Variants in KIAA1671 observed in about 807,000 individuals in gnomAD.
The protein encoded by KIAA1671 is KIAA1671, also known as uncharacterized protein KIAA1671.
KIAA1671 carries 52 observed loss-of-function variants against 131.2 expected under a neutral mutation model. The observed-to-expected ratio is 0.40, with a 90% CI of 0.32 to 0.50. KIAA1671 has a LOEUF of 0.50. KIAA1671 is among the 20% of genes least tolerant of loss of function. The pLI is 0.73. For synonymous variants in KIAA1671, 1,003 were observed against 961.6 expected (o/e 1.04, Z -0.80); for missense variants, 2,360 against 2,364.2 (o/e 1.00, Z 0.04).
intron 1 of KIAA1671, among the ~76,000 whole-genome samples, chr22:24,985,736 G>GTGTGTGTGTGTA (rs951267618): frequency 1.3e-4 from 20 of 150,816 alleles, no homozygotes; most frequent in Admixed American, 1.2e-3. Context: ...GAGTGTGTGA[G>GTGTGTGTGTGTA]TGTGTGTGTG....
At position 25,179,345 on chromosome 22, in the gene KIAA1671, G is replaced by A; in HGVS notation, c.5074+1823G>A. ...TCTCCTCTCGCTGCTCCTTGTTCCT[G>A]CGCACCTCGGCCGCGTGCAGCTCCT... On this transcript the variant is annotated intron_variant, in intron 9 of 12. Transcript: ENST00000358431. The A allele has an allele frequency of 4.4e-6, 7 of 1,594,052 alleles. No individual in the cohort carries two copies. In the South Asian group the frequency reaches 5.7e-5, roughly 13 times the overall value.
chr22:24,954,127 GA>G (rs1344045915), intron 1 of KIAA1671, among the ~76,000 whole-genome samples: 1 of 152,090 alleles, frequency 6.6e-6, no homozygotes, highest in Non-Finnish European at 1.5e-5. Flanking sequence ...GCTATCTTTT[GA>G]AACCGCAGGA....
At chr22:25,008,678 G>C (rs918148563) in intron 1 of KIAA1671, among the ~76,000 whole-genome samples, 8 of 152,198 alleles carry the variant, frequency 5.3e-5, no homozygotes, top group African/African-American at 1.9e-4. Flanking sequence ...GGGTTGAATG[G>C]GGAGATTCAT....
intron 6 of KIAA1671, among the ~76,000 whole-genome samples, chr22:25,095,008 T>C (rs913893950): frequency 1.3e-5 from 2 of 152,208 alleles, no homozygotes; most frequent in African/African-American, 2.4e-5. Flanking sequence ...GCGCTGAGTC[T>C]GTCTCAGGTG....
chr22:25,093,836 C>CTCTCTT (rs1568951598), intron 6 of KIAA1671, among the ~76,000 whole-genome samples: 1 of 64,622 alleles, frequency 1.5e-5, no homozygotes, highest in African/African-American at 7.1e-5. Context: ...CTCTCTCTGT[C>CTCTCTT]TGTCTCTCTC....
chr22:25,029,605 C>T, intron 3 of KIAA1671, 65 bp downstream of exon 3: 1 of 1,230,208 alleles, frequency 8.1e-7, no homozygotes, highest in African/African-American at 1.6e-5. Context: ...GAAGACGGAA[C>T]CAGGCTCCAT....
intron 6 of KIAA1671, chr22:25,064,436 G>C (rs889900818): frequency 6.6e-6 from 1 of 152,228 alleles, no homozygotes; most frequent in Admixed American, 6.5e-5. Context: ...GCCTCCCAGC[G>C]ACCCTGCGGG....
rs1924622643 is a variant in KIAA1671, at chr22:25,004,171, A to G, written c.-207-21462A>G. On this transcript the variant is annotated intron_variant, in intron 1 of 12. Coordinates refer to ENST00000358431, the MANE Select transcript of KIAA1671 (RefSeq NM_001145206.2). Reference sequence around the variant, plus strand: ...TACTCTGTTGTTCAAGGTGTTGTGCAGTGGTTTTATCGTAGCTCACTGCAG... The same window carrying G: ...TACTCTGTTGTTCAAGGTGTTGTGCGGTGGTTTTATCGTAGCTCACTGCAG... Among the ~76,000 whole-genome samples the G allele has an allele frequency of 2.0e-5, 3 of 150,340 alleles. No homozygotes were observed. The South Asian group carries it at 6.3e-4, about 32-fold the overall frequency.
chr22:25,191,010 A>T (rs1159807324), intron 12 of KIAA1671, among the ~76,000 whole-genome samples: 1 of 152,118 alleles, frequency 6.6e-6, no homozygotes, highest in Non-Finnish European at 1.5e-5. Context: ...AGTGGGTGAA[A>T]GGTACCAGGC....
intron 1 of KIAA1671, among the ~76,000 whole-genome samples, chr22:24,965,296 T>A (rs1922239489): frequency 1.3e-5 from 2 of 150,204 alleles, no homozygotes; most frequent in South Asian, 4.2e-4. Context: ...ACACTTGTAA[T>A]ACCAGCTACT....
chr22:25,045,943 A>G (rs1927203347), intron 5 of KIAA1671, among the ~76,000 whole-genome samples: 1 of 151,880 alleles, frequency 6.6e-6, no homozygotes, highest in Non-Finnish European at 1.5e-5. Context: ...GACTGAGCCC[A>G]ATCTATTTTA....
rs1926155350 is a variant in KIAA1671 at position 25,029,505 on chromosome 22, C to G, written c.1506C>G (p.Phe502Leu). The change falls in exon 3 of 13, where the codon TTC becomes TTG. Residue 502 changes from phenylalanine (F) to leucine (L), a missense_variant. Coordinates refer to ENST00000358431, the MANE Select transcript of KIAA1671 (RefSeq NM_001145206.2). ...EAKPEVRRRT[F>L]QARPLSADLT... ...AGCCCGAGGTCAGGAGGAGGACGTTCCAGGCTCGGCCGCTGTCGGCGGATT... is the reference window on the plus strand; with the variant it reads ...AGCCCGAGGTCAGGAGGAGGACGTTGCAGGCTCGGCCGCTGTCGGCGGATT... 4.5e-6 allele frequency: 7 copies of G among 1,548,552 alleles called. No homozygotes were observed. The highest frequency in any genetic ancestry group is 1.4e-5 in the African/African-American group (1 of 72,934).
rs961246333 is a variant in KIAA1671 at position 25,040,622 on chromosome 22, G to A, written c.3492G>A (p.Pro1164=). 19 of 1,551,662 alleles carry A rather than the reference G, an allele frequency of 1.2e-5. No homozygotes were observed. The highest frequency in any genetic ancestry group is 3.9e-5 in the Admixed American group (2 of 50,978). The change falls in exon 5 of 13, where the codon CCG becomes CCA. Residue 1164 remains proline, a synonymous_variant. Transcript: ENST00000358431. ...SPSGGAPQTT[P]TLRSRPKDLP... ...GCGGCGGAGCTCCCCAAACCACCCC[G>A]ACTCTGAGGAGTCGTCCAAAAGATC... is the stretch of plus-strand genomic sequence containing the variant.
intron 4 of KIAA1671, among the ~76,000 whole-genome samples, chr22:25,038,523 C>T (rs1256150950): frequency 6.6e-6 from 1 of 152,210 alleles, no homozygotes; most frequent in Admixed American, 6.5e-5. Context: ...AGTATTTTAA[C>T]ATCAGGATAG....
At chr22:25,065,084 A>G (rs972932738) in intron 6 of KIAA1671, 1 of 152,354 alleles carries the variant, frequency 6.6e-6, no homozygotes, top group Non-Finnish European at 1.5e-5. Context: ...CTGCCTGAGC[A>G]TAGGCAGGGA....
chr22:25,181,385 T>G (rs1934269984), intron 9 of KIAA1671, among the ~76,000 whole-genome samples: 1 of 145,958 alleles, frequency 6.9e-6, no homozygotes, highest in African/African-American at 2.5e-5. Context: ...CTTTCCTGCC[T>G]CTGCCAAAGA....
At chr22:25,116,764 A>G (rs1931686823) in intron 6 of KIAA1671, among the ~76,000 whole-genome samples, 1 of 152,174 alleles carries the variant, frequency 6.6e-6, no homozygotes, top group African/African-American at 2.4e-5. Flanking sequence ...ACTCTGGTGC[A>G]GGAGAAATGG....
intron 6 of KIAA1671, among the ~76,000 whole-genome samples, chr22:25,138,994 CT>C (rs1932764854): frequency 6.6e-6 from 1 of 152,170 alleles, no homozygotes; most frequent in Non-Finnish European, 1.5e-5. Context: ...GAAAAAACAA[CT>C]TCAGTGCTTG....
At chr22:25,107,166 G>C (rs1453507770) in intron 6 of KIAA1671, among the ~76,000 whole-genome samples, 5 of 152,090 alleles carry the variant, frequency 3.3e-5, no homozygotes, top group East Asian at 1.9e-4. Context: ...GGAGGCGGAG[G>C]GGGGCAGATC....
Sources: gnomAD v4.1 joint callset for allele counts (sites outside exome capture counted in the v4.1 genomes callset) on GRCh38, gnomAD v4.1.1 for gene constraint, MANE v1.5 for transcripts, NCBI Gene and HGNC (gene_info 2026-07-23, HGNC 2026-07-21) for gene names.